Variants in TMCC1 observed in about 807,000 individuals in gnomAD.
The protein encoded by TMCC1 is transmembrane and coiled-coil domains protein 1.
Under a neutral mutation model 52.4 loss-of-function variants are expected in TMCC1, and 15 were observed. The observed-to-expected ratio is 0.29, with a 90% CI of 0.19 to 0.44. The LOEUF (loss-of-function observed/expected upper bound fraction) is 0.44. TMCC1 is among the 20% of genes least tolerant of loss of function. The probability of loss-of-function intolerance (pLI) is 1.00; values close to 1 mark genes in which losing one functional copy is unlikely to be tolerated. For missense variants in TMCC1, 503 were observed against 806.0 expected (o/e 0.62, Z 4.55); for synonymous variants, 279 against 301.9 (o/e 0.92, Z 0.79).
chr3:129,820,582 C>G (rs564534922), intron 4 of TMCC1, among the ~76,000 whole-genome samples: 1 of 151,612 alleles, frequency 6.6e-6, no homozygotes, highest in Non-Finnish European at 1.5e-5. Flanking sequence ...TTGGGAGATT[C>G]TGAGAGGCCA....
intron 4 of TMCC1, among the ~76,000 whole-genome samples, chr3:129,728,550 C>T (rs541587801): frequency 6.6e-6 from 1 of 152,300 alleles, no homozygotes; most frequent in Non-Finnish European, 1.5e-5. Context: ...TCCCAAAGCA[C>T]TGGGATTACA....
intron 4 of TMCC1, among the ~76,000 whole-genome samples, chr3:129,678,550 C>A (rs1576416744): frequency 6.6e-6 from 1 of 151,230 alleles, no homozygotes; most frequent in Non-Finnish European, 1.5e-5. Flanking sequence ...TTAGTAGAGA[C>A]GGAGTTTCAC....
intron 4 of TMCC1, among the ~76,000 whole-genome samples, chr3:129,757,972 A>G (rs779912820): frequency 2.0e-5 from 3 of 152,230 alleles, no homozygotes; most frequent in Non-Finnish European, 4.4e-5. Context: ...AAAAAAATCA[A>G]CCATGCAATG....
intron 2 of TMCC1, 124 bp downstream of exon 2, chr3:129,880,185 G>A (rs541121441): frequency 6.6e-6 from 1 of 152,206 alleles, no homozygotes; most frequent in East Asian, 1.9e-4. Flanking sequence ...GAGAAAATGG[G>A]AGAAAGGAAG....
intron 4 of TMCC1, among the ~76,000 whole-genome samples, chr3:129,810,665 T>C (rs2107793580): frequency 6.6e-6 from 1 of 152,292 alleles, no homozygotes; most frequent in East Asian, 1.9e-4. Context: ...GTATAACTCA[T>C]CACAAATTAT....
chr3:129,839,874 C>T (rs2107863826), intron 2 of TMCC1, among the ~76,000 whole-genome samples: 1 of 151,710 alleles, frequency 6.6e-6, no homozygotes, highest in African/African-American at 2.4e-5. Context: ...GAGAGAGAGA[C>T]CTTGTCTCAA....
At position 129,676,023 on chromosome 3, in the gene TMCC1, C is replaced by A. The variant is rs994739586; in HGVS notation, c.577-4759G>T. 3.2e-5 allele frequency among the ~76,000 whole-genome samples: 4 copies of A among 124,758 alleles called. No homozygotes were observed. In the Admixed American group the frequency reaches 3.9e-4, roughly 12 times the overall value. 81.8% of individuals were successfully genotyped at this position (124,758 alleles called of 152,430 possible). On this transcript the variant is annotated intron_variant, in intron 4 of 6. Coordinates refer to ENST00000393238, the MANE Select transcript of TMCC1 (RefSeq NM_001017395.5). ...CTGCACTCCAGCCTGGGCGACAGAG[C>A]GAGACTCTGTCTCAAAAAAAAAAAA...
intron 2 of TMCC1, among the ~76,000 whole-genome samples, chr3:129,865,764 T>C (rs1244188823): frequency 1.3e-5 from 2 of 152,168 alleles, no homozygotes; most frequent in East Asian, 3.8e-4. Flanking sequence ...CCAAGTTTTG[T>C]AGACTGGTTG....
chr3:129,843,139 G>A (rs2059498251), intron 2 of TMCC1, among the ~76,000 whole-genome samples: 2 of 152,144 alleles, frequency 1.3e-5, no homozygotes, highest in African/African-American at 2.4e-5. Context: ...GAGGTCAGGA[G>A]ATCGAGACCA....
At chr3:129,681,025 T>C (rs1330542312) in intron 4 of TMCC1, among the ~76,000 whole-genome samples, 1 of 152,124 alleles carries the variant, frequency 6.6e-6, no homozygotes, top group Non-Finnish European at 1.5e-5. Flanking sequence ...CTATAGGAGA[T>C]ATGATGATGG....
intron 4 of TMCC1, among the ~76,000 whole-genome samples, chr3:129,812,912 T>G (rs1315438318): frequency 1.3e-5 from 2 of 152,036 alleles, no homozygotes; most frequent in Non-Finnish European, 2.9e-5. Context: ...TACTTGAAAA[T>G]ACTTGCAAAC....
chr3:129,870,860 T>TA (rs1410905131), intron 2 of TMCC1, among the ~76,000 whole-genome samples: 12 of 151,512 alleles, frequency 7.9e-5, no homozygotes, highest in African/African-American at 2.9e-4. Context: ...TTTTAAAATG[T>TA]AACATCCAAG....
chr3:129,878,553 T>C (rs2061328364), intron 2 of TMCC1, among the ~76,000 whole-genome samples: 1 of 152,312 alleles, frequency 6.6e-6, no homozygotes, highest in East Asian at 1.9e-4. Flanking sequence ...TCTCTCACCT[T>C]GATTACAGTA....
chr3:129,661,386 A>C (rs1007969611), intron 5 of TMCC1, among the ~76,000 whole-genome samples: 3 of 152,044 alleles, frequency 2.0e-5, no homozygotes. Flanking sequence ...AGACTGTGTC[A>C]CTACCCTCCA....
At chr3:129,823,049 A>G (rs1262104595) in intron 4 of TMCC1, among the ~76,000 whole-genome samples, 2 of 152,210 alleles carry the variant, frequency 1.3e-5, no homozygotes, top group Non-Finnish European at 2.9e-5. Context: ...ATTTTAGGCC[A>G]GCGCAGTGGC....
intron 4 of TMCC1, among the ~76,000 whole-genome samples, chr3:129,761,027 T>A (rs2053532780): frequency 6.6e-6 from 1 of 151,778 alleles, no homozygotes; most frequent in Admixed American, 6.6e-5. Flanking sequence ...TCCACTGCCC[T>A]AAAAATCCCC....
intron 3 of TMCC1, among the ~76,000 whole-genome samples, chr3:129,832,146 C>T (rs1233378452): frequency 1.3e-5 from 2 of 152,210 alleles, no homozygotes; most frequent in South Asian, 2.1e-4. Flanking sequence ...CATGAGTCAC[C>T]GCGCCCCACC....
chr3:129,720,798 G>A (rs986050110), intron 4 of TMCC1, among the ~76,000 whole-genome samples: 2 of 152,128 alleles, frequency 1.3e-5, no homozygotes, highest in East Asian at 1.9e-4. Flanking sequence ...GGGCTCAAGC[G>A]ATTCTCTCAC....
rs893265520 is a variant in TMCC1 at position 129,797,122 on chromosome 3, G to A, written c.576+30681C>T. 2.6e-5 allele frequency among the ~76,000 whole-genome samples: 4 copies of A among 151,844 alleles called. No individual in the cohort carries two copies. The East Asian group carries it at 5.8e-4, about 22-fold the overall frequency. On this transcript the variant is annotated intron_variant, in intron 4 of 6. Transcript: ENST00000393238. ...AGGTGGATCACGAGGTCAGGAGATC[G>A]AGACCATCCTGGCTAACACGGTGTA...
Sources: allele counts gnomAD v4.1 joint callset (sites outside exome capture counted in the v4.1 genomes callset), GRCh38; gene constraint gnomAD v4.1.1; transcripts MANE v1.5; gene names NCBI Gene and HGNC (gene_info 2026-07-23, HGNC 2026-07-21).